CYRIA: variants seen among roughly 807,000 people sequenced by gnomAD.
The protein encoded by CYRIA is CYFIP-related Rac1 interactor A.
A neutral mutation model predicts 43.9 loss-of-function variants in CYRIA; 15 were observed. That is an observed-to-expected ratio of 0.34 (90% confidence interval 0.23 to 0.53). The LOEUF (loss-of-function observed/expected upper bound fraction) is 0.53, where lower values mean the gene tolerates loss of function less well. Among genes scored for constraint, CYRIA ranks in the 20% least tolerant of loss-of-function variants. CYRIA has a pLI of 0.94. For missense variants in CYRIA, 236 were observed against 394.2 expected, an observed-to-expected ratio of 0.60 and a Z score of 3.40; for synonymous variants, 117 against 136.0, an observed-to-expected ratio of 0.86 and a Z score of 0.97.
At chr2:16,586,745 G>C (rs764967741) in intron 3 of CYRIA, among the ~76,000 whole-genome samples, 2 of 151,768 alleles carry the variant, frequency 1.3e-5, no homozygotes, top group African/African-American at 2.4e-5. Context: ...CTTTTAGAAG[G>C]TTTAATCTAT....
chr2:16,657,864 T>C (rs942356109), intron 1 of CYRIA, among the ~76,000 whole-genome samples: 3 of 152,226 alleles, frequency 2.0e-5, no homozygotes, highest in Non-Finnish European at 4.4e-5. Context: ...ATAAAAGTTA[T>C]AGAGTCTCTG....
Position 16,561,464 on chromosome 2 carries a change from T to G in CYRIA, c.505A>C (p.Asn169His). ...GCGACCCAGGGACTCACGTGCATGT[T>G]GTTGATGCGGTTGCGACTGATTGTT... ...RRTISRNRIN[N>H]MHLDIENEVN... Residue 169 changes from asparagine (N) to histidine (H), a missense_variant, in exon 7 of 12, where the codon AAC becomes CAC. Physicochemically the swap from Asn to His is moderately conservative, Grantham distance 68. This residue lies in a region of CYRIA where 193 missense variants were observed against 303.9 expected (regional missense o/e 0.64). Coordinates refer to ENST00000381323, the MANE Select transcript of CYRIA (RefSeq NM_030797.4). The G allele has an allele frequency of 6.2e-7, 1 of 1,613,792 alleles. No individual in the cohort carries two copies. The highest frequency in any genetic ancestry group is 8.5e-7 in the Non-Finnish European group (1 of 1,179,758).
chr2:16,575,820 C>T (rs528310549), intron 3 of CYRIA, among the ~76,000 whole-genome samples: 1 of 151,912 alleles, frequency 6.6e-6, no homozygotes, highest in African/African-American at 2.4e-5. Flanking sequence ...TGCGCCACTG[C>T]ACTCCCACCT....
chr2:16,649,904 T>C (rs1246108997), intron 1 of CYRIA, among the ~76,000 whole-genome samples: 2 of 152,224 alleles, frequency 1.3e-5, no homozygotes, highest in African/African-American at 4.8e-5. Flanking sequence ...CTTGGACATT[T>C]GCCTTGTTTA....
intron 1 of CYRIA, among the ~76,000 whole-genome samples, chr2:16,654,667 G>A (rs74318834): frequency 0.053 from 8,090 of 152,102 alleles, 341 homozygotes; most frequent in African/African-American, 0.11. Context: ...TAGCTTCATT[G>A]TCTTTATCTT....
chr2:16,577,686 C>G (rs151274227), intron 3 of CYRIA, among the ~76,000 whole-genome samples: 23 of 152,140 alleles, frequency 1.5e-4, no homozygotes, highest in African/African-American at 5.6e-4. Context: ...AGCTGAGAGG[C>G]CCTGGGAGCT....
chr2:16,558,183 C>T (rs142827404), intron 10 of CYRIA, among the ~76,000 whole-genome samples: 5 of 152,166 alleles, frequency 3.3e-5, no homozygotes, highest in Non-Finnish European at 7.4e-5. Context: ...ATTTAATTTA[C>T]TATGTCTTGA....
At chr2:16,611,251 G>A (rs965557193) in intron 2 of CYRIA, among the ~76,000 whole-genome samples, 1 of 151,828 alleles carries the variant, frequency 6.6e-6, no homozygotes. Context: ...TGTAGTCCCA[G>A]CTACTTGGGA....
rs751301503 is a variant in CYRIA, at chr2:16,561,054, T to C, written c.646A>G (p.Ile216Val). The change falls in exon 9 of 12, where the codon ATA becomes GTA. Residue 216 changes from isoleucine (I) to valine (V), a missense_variant. Ile to Val is a conservative substitution (Grantham distance 29). Transcript: ENST00000381323. ...CTGAGGCAGTCTGTGGTGTTCTCTA[T>C]TGGCAGAGTTTTGTTCTAAATGGGA... ...HFVSENKTLPIENTTDCLSTM... is the reference protein window; with the variant it reads ...HFVSENKTLPVENTTDCLSTM... 5.0e-6 allele frequency: 8 copies of C among 1,613,760 alleles called. 1 individual carries two copies. The South Asian group carries it at 6.6e-5, about 13-fold the overall frequency.
At chr2:16,616,255 C>T (rs34494404) in intron 2 of CYRIA, among the ~76,000 whole-genome samples, 7,863 of 152,258 alleles carry the variant, frequency 0.052, 313 homozygotes, top group Non-Finnish European at 0.076. Flanking sequence ...GCTCCTGGGG[C>T]CTGCAGGCAT....
intron 2 of CYRIA, among the ~76,000 whole-genome samples, chr2:16,614,308 G>A (rs59301466): frequency 0.023 from 3,472 of 152,288 alleles, 134 homozygotes; most frequent in African/African-American, 0.076. Context: ...CACAAGAGAA[G>A]GCAGCAAAGT....
chr2:16,663,297 G>T lies in CYRIA; in HGVS notation c.-167+2483C>A, dbSNP rs1271640031. Among the ~76,000 whole-genome samples, 8 of 152,344 alleles carry T rather than the reference G, an allele frequency of 5.3e-5. No individual in the cohort carries two copies. The East Asian group carries it at 1.3e-3, about 26-fold the overall frequency. Reference sequence around the variant, plus strand: ...CCATTTTAAAGATGGAGAAACTGAGGCTATATGAGTGAACTGACTTTCTCA... The same window carrying T: ...CCATTTTAAAGATGGAGAAACTGAGTCTATATGAGTGAACTGACTTTCTCA... On this transcript the variant is annotated intron_variant, in intron 1 of 11. Transcript: ENST00000381323.
At chr2:16,653,235 C>T (rs1670019210) in intron 1 of CYRIA, among the ~76,000 whole-genome samples, 1 of 152,194 alleles carries the variant, frequency 6.6e-6, no homozygotes, top group South Asian at 2.1e-4. Context: ...TCCATGACCC[C>T]ATGGCCTGCA....
chr2:16,651,740 A>G (rs1669980861), intron 1 of CYRIA, among the ~76,000 whole-genome samples: 1 of 152,226 alleles, frequency 6.6e-6, no homozygotes, highest in Admixed American at 6.5e-5. Context: ...TCATTGGCAG[A>G]CCAAGAATTA....
At chr2:16,567,000 T>C (rs1666957418) in intron 3 of CYRIA, among the ~76,000 whole-genome samples, 1 of 152,124 alleles carries the variant, frequency 6.6e-6, no homozygotes, top group Non-Finnish European at 1.5e-5. Flanking sequence ...AAGGCCGAGT[T>C]TACACCTGGT....
chr2:16,665,461 T>TG (rs893664154), intron 1 of CYRIA, among the ~76,000 whole-genome samples: 5 of 150,576 alleles, frequency 3.3e-5, no homozygotes, highest in Non-Finnish European at 3.0e-5. Flanking sequence ...TTATGATACC[T>TG]GGGGTGGGGG....
intron 2 of CYRIA, among the ~76,000 whole-genome samples, chr2:16,617,901 C>A (rs1356084358): frequency 2.0e-5 from 3 of 152,176 alleles, no homozygotes; most frequent in African/African-American, 4.8e-5. Flanking sequence ...GGAGGGCTGA[C>A]CAAGGTTAAC....
chr2:16,618,382 G>A (rs1668876183), intron 2 of CYRIA, among the ~76,000 whole-genome samples: 1 of 152,168 alleles, frequency 6.6e-6, no homozygotes, highest in South Asian at 2.1e-4. Flanking sequence ...TGGAGAGAAT[G>A]GGGTCAGAGA....
intron 3 of CYRIA, among the ~76,000 whole-genome samples, chr2:16,585,428 C>T (rs145408106): frequency 1.3e-5 from 2 of 152,056 alleles, no homozygotes; most frequent in Non-Finnish European, 1.5e-5. Context: ...TGACTTCACC[C>T]TAGTTATTTA....
Sources: gnomAD v4.1 joint callset for allele counts (sites outside exome capture counted in the v4.1 genomes callset) on GRCh38, gnomAD v4.1.1 for gene constraint, gnomAD v4.1.1 regional missense constraint, MANE v1.5 for transcripts, NCBI Gene and HGNC (gene_info 2026-07-23, HGNC 2026-07-21) for gene names.